HERC4: variants seen among roughly 807,000 people sequenced by gnomAD.
The protein encoded by HERC4 is probable E3 ubiquitin-protein ligase HERC4.
Under a neutral mutation model 124.3 loss-of-function variants are expected in HERC4, and 28 were observed. The observed-to-expected ratio is 0.23, with a 90% CI of 0.17 to 0.31. HERC4 has a LOEUF of 0.31. HERC4 is among the 10% of genes least tolerant of loss of function. The pLI is 1.00. For missense variants in HERC4, 713 were observed against 1,229.3 expected, an observed-to-expected ratio of 0.58 and a Z score of 6.28; for synonymous variants, 407 against 421.5, an observed-to-expected ratio of 0.97 and a Z score of 0.42.
chr10:67,970,702 G>T (rs1469436019), intron 15 of HERC4, among the ~76,000 whole-genome samples: 1 of 151,792 alleles, frequency 6.6e-6, no homozygotes, highest in Non-Finnish European at 1.5e-5. Context: ...AGGAAACAGG[G>T]GCTTTAGGAA....
intron 23 of HERC4, among the ~76,000 whole-genome samples, chr10:67,926,796 T>C (rs1401590838): frequency 6.6e-6 from 1 of 152,228 alleles, no homozygotes; most frequent in Non-Finnish European, 1.5e-5. Flanking sequence ...CAGATTCATC[T>C]AGCCTAGATC....
intron 9 of HERC4, among the ~76,000 whole-genome samples, chr10:67,995,512 G>A (rs1385619783): frequency 6.7e-6 from 1 of 150,018 alleles, no homozygotes; most frequent in Non-Finnish European, 1.5e-5. Flanking sequence ...TCTTCTTTTA[G>A]GAACTTCCAT....
intron 3 of HERC4, among the ~76,000 whole-genome samples, chr10:68,050,637 C>T (rs2040248887): frequency 6.6e-6 from 1 of 152,166 alleles, no homozygotes; most frequent in Non-Finnish European, 1.5e-5. Context: ...ACATCAAATA[C>T]ACAAAACTGA....
chr10:67,944,522 T>C (rs1416406431), intron 19 of HERC4, among the ~76,000 whole-genome samples: 1 of 152,122 alleles, frequency 6.6e-6, no homozygotes, highest in Non-Finnish European at 1.5e-5. Flanking sequence ...CTACAATAAA[T>C]ACCTAACTCT....
intron 15 of HERC4, among the ~76,000 whole-genome samples, chr10:67,978,093 T>C (rs1367261653): frequency 2.0e-5 from 3 of 151,962 alleles, no homozygotes; most frequent in South Asian, 2.1e-4. Context: ...CTGGCCAACA[T>C]GGTGAAACCC....
chr10:67,966,731 G>A lies in HERC4; in HGVS notation c.1878C>T (p.Asp626=), dbSNP rs2034888616. 1.9e-6 allele frequency: 3 copies of A among 1,605,018 alleles called. No homozygotes were observed. Among genetic ancestry groups the A allele is most frequent in the East Asian group, 2.2e-5 (1 of 44,686 alleles). The change falls in exon 16 of 25, where the codon GAC becomes GAT. Residue 626 remains aspartate, a synonymous_variant. Coordinates refer to ENST00000373700, the MANE Select transcript of HERC4 (RefSeq NM_015601.4). ...CCCAGTTGATATAATCATTTCTTAT[G>A]TCTATCAATTCTTGTACTTCATGTA... The part of the protein sequence containing the change: ...FYIHEVQELI[D]IRNDYINWVQ...
chr10:68,010,899 T>A (rs1228527747), intron 9 of HERC4: 1 of 1,390,790 alleles, frequency 7.2e-7, no homozygotes, highest in East Asian at 2.4e-5. Context: ...GTATTTTTTA[T>A]CCTAAGATTG....
intron 16 of HERC4, among the ~76,000 whole-genome samples, chr10:67,962,595 AAGAG>A (rs1280555741): frequency 1.3e-5 from 2 of 152,154 alleles, no homozygotes; most frequent in Middle Eastern, 3.2e-3. Context: ...TCATTTTTCT[AAGAG>A]AGAGAGGCAC....
chr10:68,006,769 T>C (rs1362942131), intron 9 of HERC4, among the ~76,000 whole-genome samples: 2 of 152,216 alleles, frequency 1.3e-5, no homozygotes, highest in Non-Finnish European at 2.9e-5. Flanking sequence ...GGATAAATGT[T>C]ATTTTCCTTT....
chr10:67,956,845 TA>T (rs750641328), intron 17 of HERC4, 32 bp downstream of exon 17: 18,332 of 1,035,948 alleles, frequency 0.018, 39 homozygotes, highest in African/African-American at 0.045. Flanking sequence ...AAGAAACAAT[TA>T]AAAAAAAAAA....
chr10:67,970,094 A>G (rs1464076870), intron 15 of HERC4, among the ~76,000 whole-genome samples: 2 of 152,202 alleles, frequency 1.3e-5, no homozygotes, highest in Non-Finnish European at 2.9e-5. Context: ...AGAGGCCTCA[A>G]ATTCCTCTAG....
At chr10:68,009,820 A>G (rs1323141807) in intron 9 of HERC4, among the ~76,000 whole-genome samples, 1 of 152,194 alleles carries the variant, frequency 6.6e-6, no homozygotes, top group East Asian at 1.9e-4. Flanking sequence ...AATATTCTAA[A>G]TACTTTGTTG....
At chr10:67,942,450 A>G (rs2032993029) in intron 19 of HERC4, among the ~76,000 whole-genome samples, 2 of 152,214 alleles carry the variant, frequency 1.3e-5, no homozygotes, top group South Asian at 2.1e-4. Flanking sequence ...GGAAGAATTC[A>G]TAAGTCAAAA....
chr10:67,942,629 A>G (rs2033010457), intron 19 of HERC4, among the ~76,000 whole-genome samples: 3 of 152,106 alleles, frequency 2.0e-5, no homozygotes, highest in Admixed American at 2.0e-4. Context: ...CTCCTGGCTC[A>G]GCCTCCCGGG....
intron 8 of HERC4, among the ~76,000 whole-genome samples, chr10:68,022,764 A>T (rs757785920): frequency 1.2e-4 from 18 of 151,990 alleles, no homozygotes; most frequent in Non-Finnish European, 2.5e-4. Flanking sequence ...ACAGAATGAA[A>T]GAAAATATCT....
At chr10:67,982,522 C>A (rs1325558852) in intron 15 of HERC4, among the ~76,000 whole-genome samples, 1 of 152,116 alleles carries the variant, frequency 6.6e-6, no homozygotes, top group Non-Finnish European at 1.5e-5. Flanking sequence ...TATGAAACTA[C>A]TTAAGAAAAC....
chr10:68,065,835 C>A (rs1001806897), intron 3 of HERC4, among the ~76,000 whole-genome samples: 2 of 152,024 alleles, frequency 1.3e-5, no homozygotes, highest in Non-Finnish European at 2.9e-5. Flanking sequence ...ACTCCAGTGA[C>A]AACAAGATCC....
intron 8 of HERC4, among the ~76,000 whole-genome samples, chr10:68,022,479 A>G (rs946319815): frequency 2.0e-5 from 3 of 151,408 alleles, no homozygotes; most frequent in Non-Finnish European, 2.9e-5. Flanking sequence ...AGCCTGAGCA[A>G]CAAGAGCAAA....
chr10:68,019,771 G>T (rs1474480792), intron 8 of HERC4, among the ~76,000 whole-genome samples: 2 of 152,170 alleles, frequency 1.3e-5, no homozygotes, highest in East Asian at 3.8e-4. Flanking sequence ...GGAGCAGCCT[G>T]TATGCAACTT....
Sources: allele counts gnomAD v4.1 joint callset (sites outside exome capture counted in the v4.1 genomes callset), GRCh38; gene constraint gnomAD v4.1.1; transcripts MANE v1.5; gene names NCBI Gene and HGNC (gene_info 2026-07-23, HGNC 2026-07-21).